HS3ST5: variants seen among roughly 807,000 people sequenced by gnomAD.
The protein encoded by HS3ST5 is heparan sulfate-glucosamine 3-sulfotransferase 5, also known as heparan sulfate glucosamine 3-O-sulfotransferase 5.
A neutral mutation model predicts 25.4 loss-of-function variants in HS3ST5; 10 were observed. The ratio of observed to expected loss-of-function variants is 0.39; its 90% CI spans 0.24 to 0.67. The LOEUF (loss-of-function observed/expected upper bound fraction) is 0.67, where lower values mean the gene tolerates loss of function less well. Ranked by LOEUF, HS3ST5 falls within the 30% of genes least tolerant of loss-of-function variation. The probability of loss-of-function intolerance (pLI) is 0.44; values close to 1 mark genes in which losing one functional copy is unlikely to be tolerated. For synonymous variants in HS3ST5, 170 were observed against 162.4 expected (o/e 1.05, Z -0.36); for missense variants, 324 against 420.7 (o/e 0.77, Z 2.01).
At chr6:114,080,028 C>G (rs1297425041) in intron 3 of HS3ST5, among the ~76,000 whole-genome samples, 2 of 152,184 alleles carry the variant, frequency 1.3e-5, no homozygotes, top group African/African-American at 4.8e-5. Context: ...CCGCCCGCCC[C>G]AGCCTTCCAA....
intron 1 of HS3ST5, among the ~76,000 whole-genome samples, chr6:114,312,564 C>G (rs1775574679): frequency 6.6e-6 from 1 of 151,682 alleles, no homozygotes; most frequent in Admixed American, 6.6e-5. Context: ...TTCTGGTCTT[C>G]AAAAGATATT....
At chr6:114,252,934 T>C (rs1772731540) in intron 1 of HS3ST5, among the ~76,000 whole-genome samples, 1 of 152,160 alleles carries the variant, frequency 6.6e-6, no homozygotes, top group African/African-American at 2.4e-5. Flanking sequence ...TGATGGCTCA[T>C]GCCTGTAATC....
At chr6:114,122,651 C>A (rs777684184) in intron 3 of HS3ST5, among the ~76,000 whole-genome samples, 11 of 152,120 alleles carry the variant, frequency 7.2e-5, no homozygotes, top group Admixed American at 3.3e-4. Context: ...TGAAACCTAC[C>A]CTTCTGTTAA....
intron 2 of HS3ST5, among the ~76,000 whole-genome samples, chr6:114,191,929 G>T (rs897527435): frequency 1.2e-4 from 19 of 152,066 alleles, no homozygotes; most frequent in Admixed American, 1.0e-3. Context: ...TCCTCCAAAG[G>T]TTGTTACCTT....
At chr6:114,130,946 C>G (rs555292560) in intron 3 of HS3ST5, among the ~76,000 whole-genome samples, 1 of 152,200 alleles carries the variant, frequency 6.6e-6, no homozygotes, top group Non-Finnish European at 1.5e-5. Flanking sequence ...GAGGTTGAGG[C>G]AGGGAGGTTT....
At chr6:114,128,408 T>C (rs1398456128) in intron 3 of HS3ST5, among the ~76,000 whole-genome samples, 1 of 152,140 alleles carries the variant, frequency 6.6e-6, no homozygotes, top group Non-Finnish European at 1.5e-5. Flanking sequence ...ACTTCGGTCA[T>C]TATTTATGTA....
intron 3 of HS3ST5, among the ~76,000 whole-genome samples, chr6:114,096,690 A>C (rs1775444209): frequency 6.6e-6 from 1 of 152,160 alleles, no homozygotes. Flanking sequence ...TGGTCCTAGC[A>C]GTTAGTAAGG....
At chr6:114,301,737 A>G (rs1775082448) in intron 1 of HS3ST5, among the ~76,000 whole-genome samples, 1 of 152,072 alleles carries the variant, frequency 6.6e-6, no homozygotes, top group Non-Finnish European at 1.5e-5. Context: ...AAAAATCTGG[A>G]CATATGGCTG....
intron 2 of HS3ST5, among the ~76,000 whole-genome samples, chr6:114,193,976 A>C (rs1384223886): frequency 6.6e-6 from 1 of 152,192 alleles, no homozygotes; most frequent in African/African-American, 2.4e-5. Flanking sequence ...GTAAGTTGAT[A>C]AATGGGCCTA....
At chr6:114,177,613 A>G (rs1226684120) in intron 2 of HS3ST5, among the ~76,000 whole-genome samples, 1 of 152,210 alleles carries the variant, frequency 6.6e-6, no homozygotes, top group Non-Finnish European at 1.5e-5. Flanking sequence ...ACAAGAATAA[A>G]AACAAACACT....
At chr6:114,202,766 T>C (rs576016659) in intron 2 of HS3ST5, among the ~76,000 whole-genome samples, 14 of 152,220 alleles carry the variant, frequency 9.2e-5, no homozygotes, top group African/African-American at 3.4e-4. Flanking sequence ...TATAAATAAT[T>C]TAGAAGAAAA....
chr6:114,243,512 C>T (rs1772238099), intron 1 of HS3ST5, among the ~76,000 whole-genome samples: 1 of 152,200 alleles, frequency 6.6e-6, no homozygotes, highest in Non-Finnish European at 1.5e-5. Context: ...AAGTAAGCAG[C>T]AGCAGGGATT....
chr6:114,332,622 T>C (rs1412502032), intron 1 of HS3ST5, among the ~76,000 whole-genome samples: 2 of 152,198 alleles, frequency 1.3e-5, no homozygotes, highest in Non-Finnish European at 2.9e-5. Flanking sequence ...ATATAGGTAC[T>C]GTTGGGGGTG....
At chr6:114,175,944 A>G (rs1415037501) in intron 2 of HS3ST5, among the ~76,000 whole-genome samples, 1 of 152,152 alleles carries the variant, frequency 6.6e-6, no homozygotes. Context: ...CTTATGTCTT[A>G]TCTTGAAGTA....
chr6:114,174,640 T>C (rs1779635680), intron 2 of HS3ST5, among the ~76,000 whole-genome samples: 1 of 152,158 alleles, frequency 6.6e-6, no homozygotes, highest in South Asian at 2.1e-4. Flanking sequence ...GGTTATTTCA[T>C]TTAGCTGGAA....
chr6:114,159,849 A>T (rs1778857014), intron 3 of HS3ST5, among the ~76,000 whole-genome samples: 1 of 152,224 alleles, frequency 6.6e-6, no homozygotes, highest in African/African-American at 2.4e-5. Flanking sequence ...CCAGTCATAG[A>T]TCAATAAAAA....
chr6:114,250,230 A>T (rs536337508), intron 1 of HS3ST5, among the ~76,000 whole-genome samples: 1 of 152,300 alleles, frequency 6.6e-6, no homozygotes, highest in South Asian at 2.1e-4. Context: ...CTAATGACAA[A>T]TGTGATAGAT....
chr6:114,256,637 C>T (rs777902997), intron 1 of HS3ST5, among the ~76,000 whole-genome samples: 5 of 152,172 alleles, frequency 3.3e-5, no homozygotes, highest in Non-Finnish European at 5.9e-5. Context: ...ACCACCTCAG[C>T]CTGGATTTCA....
At chr6:114,204,358 C>T (rs938413928) in intron 2 of HS3ST5, among the ~76,000 whole-genome samples, 1 of 152,112 alleles carries the variant, frequency 6.6e-6, no homozygotes, top group Non-Finnish European at 1.5e-5. Context: ...ATTATGAAAT[C>T]ATCTTTTAAA....
Sources: gnomAD v4.1 joint callset for allele counts (sites outside exome capture counted in the v4.1 genomes callset) on GRCh38, gnomAD v4.1.1 for gene constraint, MANE v1.5 for transcripts, NCBI Gene and HGNC (gene_info 2026-07-23, HGNC 2026-07-21) for gene names.